Variants in SLC35F4 observed in about 807,000 individuals in gnomAD.
SLC35F4 encodes the protein solute carrier family 35 member F4.
SLC35F4 carries 24 observed loss-of-function variants against 44.2 expected under a neutral mutation model. That is an observed-to-expected ratio of 0.54 (90% CI 0.39 to 0.76). The LOEUF (loss-of-function observed/expected upper bound fraction) is 0.76, where lower values mean the gene tolerates loss of function less well. SLC35F4 is among the 30% of genes least tolerant of loss of function. The pLI is 0.00. For missense variants in SLC35F4, 562 were observed against 586.1 expected (o/e 0.96, Z 0.42); for synonymous variants, 238 against 223.6 (o/e 1.06, Z -0.57).
intron 1 of SLC35F4, among the ~76,000 whole-genome samples, chr14:57,658,499 A>T (rs1258800995): frequency 4.6e-5 from 7 of 152,294 alleles, no homozygotes; most frequent in Non-Finnish European, 1.0e-4. Flanking sequence ...TTAATTAGAG[A>T]ATGAAGAAGT....
chr14:57,938,591 CT>C (rs997312692), intron 1 of SLC35F4, among the ~76,000 whole-genome samples: 4 of 152,182 alleles, frequency 2.6e-5, no homozygotes, highest in Non-Finnish European at 4.4e-5. Flanking sequence ...GTGTTTTTCT[CT>C]TTTGTCTTTG....
At chr14:57,570,961 T>C (rs2068468787) in intron 5 of SLC35F4, among the ~76,000 whole-genome samples, 1 of 152,188 alleles carries the variant, frequency 6.6e-6, no homozygotes, top group South Asian at 2.1e-4. Context: ...TAATGGCCAT[T>C]GAGTGAACAT....
At chr14:57,963,839 C>A (rs1436544097) in intron 1 of SLC35F4, among the ~76,000 whole-genome samples, 1 of 145,790 alleles carries the variant, frequency 6.9e-6, no homozygotes, top group African/African-American at 2.5e-5. Context: ...CTTCACACTT[C>A]AGTCTCACAT....
At chr14:57,640,920 T>A (rs2073202958) in intron 1 of SLC35F4, among the ~76,000 whole-genome samples, 1 of 152,006 alleles carries the variant, frequency 6.6e-6, no homozygotes, top group Non-Finnish European at 1.5e-5. Flanking sequence ...ATGAACTTTA[T>A]AAAATGATAG....
At chr14:57,772,369 T>C (rs970937678) in intron 1 of SLC35F4, among the ~76,000 whole-genome samples, 19 of 134,682 alleles carry the variant, frequency 1.4e-4, no homozygotes, top group African/African-American at 5.8e-4. Flanking sequence ...TTTTTGTTTG[T>C]TCTTTTAGTT....
chr14:57,802,934 A>G (rs2078224108), intron 1 of SLC35F4, among the ~76,000 whole-genome samples: 1 of 149,878 alleles, frequency 6.7e-6, no homozygotes, highest in Non-Finnish European at 1.5e-5. Flanking sequence ...CTCCTTCTTA[A>G]CTCATTCATG....
intron 1 of SLC35F4, among the ~76,000 whole-genome samples, chr14:57,643,816 G>A (rs900977947): frequency 2.0e-5 from 3 of 151,498 alleles, no homozygotes; most frequent in African/African-American, 4.9e-5. Context: ...CCCTTCCTGT[G>A]TCCATGTGTT....
chr14:57,703,945 A>G (rs773558888), intron 1 of SLC35F4, among the ~76,000 whole-genome samples: 3 of 152,160 alleles, frequency 2.0e-5, no homozygotes, highest in Non-Finnish European at 4.4e-5. Context: ...GGGATGATGC[A>G]GTGAGCCACA....
At chr14:57,598,989 T>A (rs1383306983) in intron 1 of SLC35F4, among the ~76,000 whole-genome samples, 1 of 152,166 alleles carries the variant, frequency 6.6e-6, no homozygotes, top group African/African-American at 2.4e-5. Flanking sequence ...AAAAGTAGGA[T>A]ACCACTGGCT....
At chr14:57,565,619 T>A (rs996418716) in intron 7 of SLC35F4, among the ~76,000 whole-genome samples, 1 of 152,232 alleles carries the variant, frequency 6.6e-6, no homozygotes, top group Non-Finnish European at 1.5e-5. Flanking sequence ...AACTCCACTC[T>A]GATATTTCTT....
chr14:57,878,962 T>C (rs1422447750), intron 1 of SLC35F4, among the ~76,000 whole-genome samples: 3 of 152,166 alleles, frequency 2.0e-5, no homozygotes, highest in Non-Finnish European at 2.9e-5. Flanking sequence ...CTTATGAACA[T>C]TGACAAACCA....
At chr14:57,676,356 C>A (rs541313696) in intron 1 of SLC35F4, among the ~76,000 whole-genome samples, 5 of 152,204 alleles carry the variant, frequency 3.3e-5, no homozygotes, top group Admixed American at 3.3e-4. Context: ...CACATGTTCT[C>A]ACTTATAAAT....
chr14:57,677,862 C>CA (rs1267991758), intron 1 of SLC35F4, among the ~76,000 whole-genome samples: 14 of 151,340 alleles, frequency 9.3e-5, no homozygotes, highest in African/African-American at 3.2e-4. Flanking sequence ...AGGCAATTCA[C>CA]AAAAAAAGAA....
At chr14:57,651,625 A>G (rs1024238891) in intron 1 of SLC35F4, among the ~76,000 whole-genome samples, 1 of 152,118 alleles carries the variant, frequency 6.6e-6, no homozygotes, top group Non-Finnish European at 1.5e-5. Context: ...TGGCCCTCCT[A>G]GAGACAGGAA....
intron 1 of SLC35F4, among the ~76,000 whole-genome samples, chr14:57,627,784 T>A (rs1020743863): frequency 6.6e-6 from 1 of 152,140 alleles, no homozygotes; most frequent in African/African-American, 2.4e-5. Context: ...ATAGTGTTTT[T>A]AAAAAAGAGA....
At chr14:57,627,868 G>T (rs570205570) in intron 1 of SLC35F4, among the ~76,000 whole-genome samples, 1 of 151,780 alleles carries the variant, frequency 6.6e-6, no homozygotes, top group African/African-American at 2.4e-5. Context: ...CAATGTCTCC[G>T]AGTCAAAAGG....
At chr14:57,578,325 G>GTTTGTT (rs2068957220) in intron 4 of SLC35F4, among the ~76,000 whole-genome samples, 1 of 43,116 alleles carries the variant, frequency 2.3e-5, no homozygotes, top group African/African-American at 8.0e-5. Flanking sequence ...CCCTTTAACT[G>GTTTGTT]TTTTTTTTTT....
At chr14:57,596,150 G>A (rs777551641) in intron 1 of SLC35F4, 6 of 152,580 alleles carry the variant, frequency 3.9e-5, no homozygotes, top group African/African-American at 7.2e-5. Flanking sequence ...TCCTGTACCT[G>A]TAAATATATA....
chr14:57,666,345 T>C lies in SLC35F4; in HGVS notation c.104-72221A>G, dbSNP rs182653283. ...GCACAATTTCATGTAGACTTCACTG[T>C]AGGTACAACTATAAATCAATGACCT... is the stretch of plus-strand genomic sequence containing the variant. On this transcript the variant is annotated intron_variant, in intron 1 of 7. Transcript: ENST00000556826. 2.0e-5 allele frequency among the ~76,000 whole-genome samples: 3 copies of C among 152,192 alleles called. 1 individual carries two copies. The East Asian group carries it at 5.8e-4, about 29-fold the overall frequency.
Sources: allele counts gnomAD v4.1 joint callset (sites outside exome capture counted in the v4.1 genomes callset), GRCh38; gene constraint gnomAD v4.1.1; transcripts MANE v1.5; gene names NCBI Gene and HGNC (gene_info 2026-07-23, HGNC 2026-07-21).